RAD18: variants seen among roughly 807,000 people sequenced by gnomAD.
RAD18 encodes RAD18 E3 ubiquitin protein ligase.
RAD18 carries 47 observed loss-of-function variants against 60.4 expected under a neutral mutation model. The ratio of observed to expected loss-of-function variants is 0.78; its 90% CI spans 0.62 to 0.99. The LOEUF is 0.99. Ranked by LOEUF, RAD18 falls within the 50% of genes least tolerant of loss-of-function variation. The pLI is 0.00. For synonymous variants in RAD18, 225 were observed against 195.5 expected (o/e 1.15, Z -1.26); for missense variants, 640 against 593.3 (o/e 1.08, Z -0.82).
chr3:8,878,385 G>A lies in RAD18; in HGVS notation c.*2972C>T, dbSNP rs1939401355. 1 of 152,102 alleles carries A rather than the reference G, an allele frequency of 6.6e-6. No homozygotes were observed. The highest frequency in any genetic ancestry group is 2.4e-5 in the African/African-American group (1 of 41,416). The allele number at this position is 152,102 out of a possible 1,614,324, so 9.4% of individuals were successfully genotyped here. A position where few individuals can be genotyped will look rare whatever the true frequency, so the allele number is the denominator to read the frequency against. Reference sequence around the variant, plus strand: ...AAACCAAAAAAAAATTACTGAAATGGTAAAAAATGTAATGGTTGTGGTTTT... The same window carrying A: ...AAACCAAAAAAAAATTACTGAAATGATAAAAAATGTAATGGTTGTGGTTTT... On this transcript the variant is annotated 3_prime_UTR_variant, in exon 13 of 13. Coordinates refer to ENST00000264926, the MANE Select transcript of RAD18 (RefSeq NM_020165.4).
chr3:8,885,330 C>T (rs1939540721), intron 12 of RAD18, among the ~76,000 whole-genome samples: 1 of 152,194 alleles, frequency 6.6e-6, no homozygotes, highest in Non-Finnish European at 1.5e-5. Flanking sequence ...TATCATTTAA[C>T]AAACATGACA....
chr3:8,925,713 A>T (rs1176356888), intron 7 of RAD18, among the ~76,000 whole-genome samples: 1 of 152,210 alleles, frequency 6.6e-6, no homozygotes, highest in African/African-American at 2.4e-5. Context: ...CTTATCCACC[A>T]TGATCAAGTG....
At chr3:8,897,911 CA>C (rs1036110041) in intron 11 of RAD18, among the ~76,000 whole-genome samples, 61 of 143,094 alleles carry the variant, frequency 4.3e-4, no homozygotes, top group African/African-American at 5.3e-4. Flanking sequence ...ACTAAATGTA[CA>C]AAAAAAAAAA....
chr3:8,932,529 G>A (rs556507516), intron 7 of RAD18, among the ~76,000 whole-genome samples: 26 of 152,304 alleles, frequency 1.7e-4, no homozygotes, highest in Non-Finnish European at 3.7e-4. Context: ...TAGCAAGGGT[G>A]TGGCAAAAGT....
At chr3:8,887,831 C>A (rs1435629050) in intron 12 of RAD18, among the ~76,000 whole-genome samples, 1 of 152,130 alleles carries the variant, frequency 6.6e-6, no homozygotes, top group Non-Finnish European at 1.5e-5. Flanking sequence ...GGAGAGATTG[C>A]CCCTGCTGGC....
intron 7 of RAD18, among the ~76,000 whole-genome samples, chr3:8,916,355 T>C (rs1055770490): frequency 7.2e-5 from 11 of 152,130 alleles, no homozygotes; most frequent in Non-Finnish European, 1.0e-4. Flanking sequence ...AAACCTAGCA[T>C]GATCCAAGTG....
intron 9 of RAD18, among the ~76,000 whole-genome samples, chr3:8,909,708 T>C (rs1374342574): frequency 6.6e-6 from 1 of 152,214 alleles, no homozygotes; most frequent in African/African-American, 2.4e-5. Context: ...CTGTTATGTA[T>C]GGAATGTTAT....
intron 11 of RAD18, among the ~76,000 whole-genome samples, chr3:8,898,381 CGTGTGTGT>C (rs59853617): frequency 3.0e-3 from 440 of 147,884 alleles, no homozygotes; most frequent in Middle Eastern, 0.01. Flanking sequence ...TGTGTGCATG[CGTGTGTGT>C]GTGTGTGTGT....
intron 9 of RAD18, among the ~76,000 whole-genome samples, chr3:8,911,878 T>C (rs1940110928): frequency 6.6e-6 from 1 of 152,152 alleles, no homozygotes; most frequent in Non-Finnish European, 1.5e-5. Flanking sequence ...GAAAAGGAAG[T>C]GATAAAGTTG....
At chr3:8,909,351 G>C (rs1428246454) in intron 9 of RAD18, among the ~76,000 whole-genome samples, 1 of 152,182 alleles carries the variant, frequency 6.6e-6, no homozygotes, top group Non-Finnish European at 1.5e-5. Context: ...ATGATGTGAA[G>C]ACTCAGCAGT....
At chr3:8,881,485 T>C (rs760941554) in intron 12 of RAD18, 26 bp from the exon 13 acceptor site, 3 of 1,527,346 alleles carry the variant, frequency 2.0e-6, no homozygotes, top group Non-Finnish European at 2.7e-6. Flanking sequence ...GGAAATGACA[T>C]CTTGGAAAGT....
chr3:8,960,304 A>G (rs899765899), intron 1 of RAD18, among the ~76,000 whole-genome samples: 3 of 152,204 alleles, frequency 2.0e-5, no homozygotes, highest in South Asian at 2.1e-4. Context: ...CCCTATCTCA[A>G]AAAAGAAAAA....
At chr3:8,917,713 G>T (rs1013040567) in intron 7 of RAD18, among the ~76,000 whole-genome samples, 4 of 151,558 alleles carry the variant, frequency 2.6e-5, no homozygotes, top group Admixed American at 1.3e-4. Flanking sequence ...AGCAAAAAAA[G>T]ATAACAAAAA....
chr3:8,934,264 G>A (rs924203552), intron 7 of RAD18, among the ~76,000 whole-genome samples: 7 of 152,214 alleles, frequency 4.6e-5, no homozygotes, highest in African/African-American at 1.7e-4. Flanking sequence ...AAGGAAAAAT[G>A]TAATGAATTG....
chr3:8,944,190 T>G lies in RAD18; in HGVS notation c.267-2386A>C, dbSNP rs12636174. Among the ~76,000 whole-genome samples the G allele has an allele frequency of 0.012, 1,896 of 152,308 alleles. 149 individuals carry two copies. The East Asian group carries it at 0.21, about 17-fold the overall frequency. On this transcript the variant is annotated intron_variant, in intron 4 of 12. Transcript: ENST00000264926. ...ACTTTAAAACAACAAATTTTAAATT[T>G]TAGATAAAATGGACAAATTCTTTGA... is the stretch of plus-strand genomic sequence containing the variant.
rs535371775 is a variant in RAD18 at position 8,885,014 on chromosome 3, C to T, written c.1386-3555G>A. ...GGGAGGATATTCCTGGGGAGGGCCA[C>T]AGTGAGGCATCTATCTACTGTTAAA... On this transcript the variant is annotated intron_variant, in intron 12 of 12. Coordinates refer to ENST00000264926, the MANE Select transcript of RAD18 (RefSeq NM_020165.4). Among the ~76,000 whole-genome samples, 6 of 152,340 alleles carry T rather than the reference C, an allele frequency of 3.9e-5. No individual in the cohort carries two copies. The South Asian group carries it at 1.2e-3, about 32-fold the overall frequency.
At chr3:8,958,804 A>G in intron 2 of RAD18, 116 bp downstream of exon 2, 3 of 790,262 alleles carry the variant, frequency 3.8e-6, no homozygotes, top group Non-Finnish European at 4.2e-6. Flanking sequence ...GAAAAACTAC[A>G]AGATAGAAGA....
At chr3:8,890,271 G>A in intron 12 of RAD18, 118 bp downstream of exon 12, 1 of 758,024 alleles carries the variant, frequency 1.3e-6, no homozygotes, top group Non-Finnish European at 2.2e-6. Context: ...CCTTGCATGA[G>A]GATTACTACT....
intron 9 of RAD18, among the ~76,000 whole-genome samples, chr3:8,910,213 T>C (rs148489284): frequency 2.0e-5 from 3 of 152,222 alleles, no homozygotes; most frequent in African/African-American, 7.2e-5. Context: ...TGTGTGTAAA[T>C]GTATTGGAAA....
Sources: allele counts gnomAD v4.1 joint callset (sites outside exome capture counted in the v4.1 genomes callset), GRCh38; gene constraint gnomAD v4.1.1; transcripts MANE v1.5; gene names NCBI Gene and HGNC (gene_info 2026-07-23, HGNC 2026-07-21).